RNF20: variants seen among roughly 807,000 people sequenced by gnomAD.
RNF20 encodes the protein E3 ubiquitin-protein ligase BRE1A.
In RNF20, 84 loss-of-function variants were observed where a neutral mutation model predicts 126.2. The ratio of observed to expected loss-of-function variants is 0.67; its 90% CI spans 0.56 to 0.80. The LOEUF is 0.80. Ranked by LOEUF, RNF20 falls within the 30% of genes least tolerant of loss-of-function variation. The probability of loss-of-function intolerance (pLI) is 0.00; values close to 1 mark genes in which losing one functional copy is unlikely to be tolerated. For synonymous variants in RNF20, 400 were observed against 414.3 expected (o/e 0.97, Z 0.42); for missense variants, 869 against 1,188.2 (o/e 0.73, Z 3.95).
intron 16 of RNF20, among the ~76,000 whole-genome samples, chr9:101,560,081 G>A (rs1047677234): frequency 6.6e-6 from 1 of 152,100 alleles, no homozygotes. Context: ...TCCCTTCTAT[G>A]CTGATTTTGC....
At chr9:101,550,382 T>G (rs1341935660) in intron 9 of RNF20, among the ~76,000 whole-genome samples, 1 of 152,198 alleles carries the variant, frequency 6.6e-6, no homozygotes, top group Non-Finnish European at 1.5e-5. Flanking sequence ...TCAAAACAAT[T>G]CTAGGAGGAA....
intron 19 of RNF20, 59 bp from the exon 20 acceptor site, chr9:101,562,187 G>C: frequency 2.6e-6 from 4 of 1,550,266 alleles, no homozygotes; most frequent in Non-Finnish European, 2.6e-6. Flanking sequence ...TAGTATATGA[G>C]AGCCATTTGG....
Position 101,551,733 on chromosome 9 carries a change from T to G in RNF20, c.1322T>G (p.Leu441Arg). 6.2e-7 allele frequency: 1 copy of G among 1,609,428 alleles called. No individual in the cohort carries two copies. ...HKKLRTEVIQ[L>R]EDTLAQVRKE... ...AAGCTGAGGACTGAAGTAATTCAGC[T>G]AGAAGATACATTGGCCCAGGTCCGC... is the stretch of plus-strand genomic sequence containing the variant. The change falls in exon 11 of 20, where the codon CTA becomes CGA. Residue 441 changes from leucine (L) to arginine (R), a missense_variant. Coordinates refer to ENST00000389120, the MANE Select transcript of RNF20 (RefSeq NM_019592.7).
In RNF20 at chr9:101,535,392, T is replaced by C; in HGVS notation, c.-26-6T>C. 1 of 1,602,474 alleles carries C rather than the reference T, an allele frequency of 6.2e-7. No homozygotes were observed. The highest frequency in any genetic ancestry group is 8.5e-7 in the Non-Finnish European group (1 of 1,176,446). On this transcript the variant is annotated splice_polypyrimidine_tract_variant and splice_region_variant and intron_variant, in intron 1 of 19. Transcript: ENST00000389120. ...TTATGTCAGTTTCTGCCTTTTTTTCTATCAGGAAAACGACTGTCTTCTTCT... is the reference window on the plus strand; with the variant it reads ...TTATGTCAGTTTCTGCCTTTTTTTCCATCAGGAAAACGACTGTCTTCTTCT...
At chr9:101,546,739 T>C in intron 6 of RNF20, 81 bp from the exon 7 acceptor site, 2 of 1,439,818 alleles carry the variant, frequency 1.4e-6, no homozygotes, top group Non-Finnish European at 1.9e-6. Context: ...TTTTCTATAA[T>C]TACTCATAAG....
chr9:101,541,903 A>G (rs1448467896), intron 5 of RNF20, among the ~76,000 whole-genome samples: 1 of 152,204 alleles, frequency 6.6e-6, no homozygotes. Flanking sequence ...TTTGTACAGT[A>G]AAGTATTTGT....
chr9:101,562,762 A>C lies in RNF20; in HGVS notation c.*340A>C, dbSNP rs532290994. On this transcript the variant is annotated 3_prime_UTR_variant, in exon 20 of 20. Transcript: ENST00000389120. ...ATTGTCCATTCCTCCTGAAGAAATC[A>C]AGTTGGTATTTTTGATGTGGAAAAG... The C allele has an allele frequency of 3.9e-5, 7 of 179,258 alleles. No homozygotes were observed. The highest frequency in any genetic ancestry group is 8.1e-5 in the Non-Finnish European group (7 of 85,962). 11.1% of individuals were successfully genotyped at this position (179,258 alleles called of 1,614,324 possible). A position where few individuals can be genotyped will look rare whatever the true frequency, so the allele number is the denominator to read the frequency against.
At position 101,550,602 on chromosome 9, in the gene RNF20, T is replaced by A; in HGVS notation, c.1093-4T>A. The stretch of plus-strand genomic sequence containing the variant: ...CTTCTGACTTTGCTTTGGGCCCTCC[T>A]AAGGTGGAATTGCGGAGTGCAGTGG... On this transcript the variant is annotated splice_region_variant and splice_polypyrimidine_tract_variant and intron_variant, in intron 9 of 19. Transcript: ENST00000389120. 6.2e-7 allele frequency: 1 copy of A among 1,613,098 alleles called. No homozygotes were observed. The highest frequency in any genetic ancestry group is 8.5e-7 in the Non-Finnish European group (1 of 1,179,318).
At chr9:101,552,084 C>T (rs1827455814) in intron 11 of RNF20, 57 bp from the exon 12 acceptor site, 1 of 1,608,964 alleles carries the variant, frequency 6.2e-7, no homozygotes. Context: ...TTCTTTCTCT[C>T]CTTGTGCCTT....
At chr9:101,559,044 A>C (rs1827584141) in intron 16 of RNF20, among the ~76,000 whole-genome samples, 1 of 152,182 alleles carries the variant, frequency 6.6e-6, no homozygotes, top group South Asian at 2.1e-4. Context: ...TCTTAGATTT[A>C]AGTCTTTGAT....
intron 9 of RNF20, 42 bp from the exon 10 acceptor site, chr9:101,550,564 A>G (rs1827426259): frequency 3.2e-6 from 5 of 1,575,898 alleles, no homozygotes; most frequent in Non-Finnish European, 4.3e-6. Flanking sequence ...GTCTGGGGCA[A>G]TGCTAGATTC....
chr9:101,561,213 A>G lies in RNF20; in HGVS notation c.2632A>G (p.Asn878Asp). Residue 878 changes from asparagine (N) to aspartate (D), a missense_variant, in exon 18 of 20, where the codon AAT becomes GAT. Around this residue, in one of 8 missense-constraint regions of RNF20, gnomAD observed 150 missense variants for 173.7 expected, o/e 0.86. Coordinates refer to ENST00000389120, the MANE Select transcript of RNF20 (RefSeq NM_019592.7). Reference sequence around the variant, plus strand: ...TGTTACCAAAGAAAAGGACATGTTCAATTTCAAACGAGCCCAGGTAAAAGC... The same window carrying G: ...TGTTACCAAAGAAAAGGACATGTTCGATTTCAAACGAGCCCAGGTAAAAGC... Reference protein sequence around the residue: ...NSVTKEKDMFNFKRAQEDISR... With the variant: ...NSVTKEKDMFDFKRAQEDISR... The G allele has an allele frequency of 6.2e-7, 1 of 1,613,698 alleles. No homozygotes were observed. The highest frequency in any genetic ancestry group is 8.5e-7 in the Non-Finnish European group (1 of 1,179,712).
At chr9:101,557,631 A>C in intron 16 of RNF20, 35 bp downstream of exon 16, 1 of 1,471,350 alleles carries the variant, frequency 6.8e-7, no homozygotes, top group Admixed American at 1.7e-5. Flanking sequence ...TATTCTGTTG[A>C]AATAGGGTGC....
chr9:101,554,839 A>G lies in RNF20; in HGVS notation c.2165A>G (p.Lys722Arg). Residue 722 changes from lysine to arginine, a missense_variant, in exon 15 of 20, where the codon AAG (lysine) becomes AGG (arginine). This residue lies in a region of RNF20 where 30 missense variants were observed against 75.2 expected (regional missense o/e 0.40). Coordinates refer to ENST00000389120, the MANE Select transcript of RNF20 (RefSeq NM_019592.7). ...CTACAGAAGAAGCTAGCCATGGCCA[A>G]GCAGGTGGACTCACTTTCTTTATTT... ...EYLQKKLAMAKQEEEALLSEM... is the reference protein window; with the variant it reads ...EYLQKKLAMARQEEEALLSEM... 7.0e-7 allele frequency: 1 copy of G among 1,434,560 alleles called. No homozygotes were observed. The highest frequency in any genetic ancestry group is 9.2e-7 in the Non-Finnish European group (1 of 1,081,946). The allele number at this position is 1,434,560 out of a possible 1,614,324, so 88.9% of individuals were successfully genotyped here.
chr9:101,552,345 A>G (rs747298417), intron 12 of RNF20, 38 bp from the exon 13 acceptor site: 13 of 1,609,834 alleles, frequency 8.1e-6, no homozygotes, highest in South Asian at 2.2e-5. Context: ...TGTGGTTATC[A>G]TAAGAGATGT....
Position 101,546,864 on chromosome 9 carries a change from G to A in RNF20, c.792G>A (p.Val264=). Reference sequence around the variant, plus strand: ...AAGTGGAGACAGCCGAATCACGAGTGTCTGTCCTGGAGTCCATGATTGATG... The same window carrying A: ...AAGTGGAGACAGCCGAATCACGAGTATCTGTCCTGGAGTCCATGATTGATG... ...QSKVETAESR[V]SVLESMIDDL... Residue 264 remains valine (V), a synonymous_variant, in exon 7 of 20, where the codon GTG becomes GTA. Transcript: ENST00000389120. The A allele has an allele frequency of 6.2e-7, 1 of 1,614,186 alleles. No individual in the cohort carries two copies. The highest frequency in any genetic ancestry group is 8.5e-7 in the Non-Finnish European group (1 of 1,180,008).
In RNF20 at chr9:101,562,242, T is replaced by C. The variant is rs1185611387; in HGVS notation, c.2752-4T>C. On this transcript the variant is annotated splice_polypyrimidine_tract_variant and splice_region_variant and intron_variant, in intron 19 of 19. Coordinates refer to ENST00000389120, the MANE Select transcript of RNF20 (RefSeq NM_019592.7). ...GTTCAAACTCTGACATCTTTTCTTTTTAGGCACGCTTGACCTGTCCGTGCT... is the reference window on the plus strand; with the variant it reads ...GTTCAAACTCTGACATCTTTTCTTTCTAGGCACGCTTGACCTGTCCGTGCT... The C allele has an allele frequency of 1.9e-6, 3 of 1,606,760 alleles. No individual in the cohort carries two copies. In the Admixed American group the frequency reaches 5.0e-5, roughly 27 times the overall value.
In RNF20 at chr9:101,540,603, T is replaced by C; in HGVS notation, c.411T>C (p.Asp137=). The change falls in exon 4 of 20, where the codon GAT becomes GAC. Residue 137 remains aspartate, a synonymous_variant. Coordinates refer to ENST00000389120, the MANE Select transcript of RNF20 (RefSeq NM_019592.7). ...LVVPEPEPDS[D]SNQERKDDRE... ...TGCCTGAACCAGAACCAGACTCTGA[T>C]AGCAATCAGGAGCGTAAAGATGACC... is the stretch of plus-strand genomic sequence containing the variant. The C allele has an allele frequency of 1.9e-6, 3 of 1,614,092 alleles. No homozygotes were observed. The highest frequency in any genetic ancestry group is 2.5e-6 in the Non-Finnish European group (3 of 1,180,008).
Position 101,552,729 on chromosome 9 carries a change from T to G in RNF20, c.1877T>G (p.Ile626Ser), listed in dbSNP as rs765173562. 6 of 1,607,572 alleles carry G rather than the reference T, an allele frequency of 3.7e-6. No homozygotes were observed. Among genetic ancestry groups the G allele is most frequent in the Non-Finnish European group, 5.1e-6 (6 of 1,175,994 alleles). The stretch of plus-strand genomic sequence containing the variant: ...GGACGGAAAAAGGAAGCAGAAATTA[T>G]CAAACAATTGAAGATTGAACTCAAG... ...DDGRKKEAEI[I>S]KQLKIELKKA... Residue 626 changes from isoleucine to serine, a missense_variant, in exon 13 of 20, where the codon ATC becomes AGC. Around this residue, in one of 8 missense-constraint regions of RNF20, gnomAD observed 231 missense variants for 263.6 expected, o/e 0.88. Coordinates refer to ENST00000389120, the MANE Select transcript of RNF20 (RefSeq NM_019592.7).
Sources: allele counts gnomAD v4.1 joint callset (sites outside exome capture counted in the v4.1 genomes callset), GRCh38; gene constraint gnomAD v4.1.1; regional missense constraint gnomAD v4.1.1; transcripts MANE v1.5; gene names NCBI Gene and HGNC (gene_info 2026-07-23, HGNC 2026-07-21).